The following RGS6 variants were observed in gnomAD, a reference collection of about 807,000 sequenced individuals.
RGS6 encodes the protein regulator of G protein signaling 6.
In RGS6, 30 loss-of-function variants were observed where a neutral mutation model predicts 78.5. The observed-to-expected ratio is 0.38, with a 90% CI of 0.29 to 0.52. The LOEUF (loss-of-function observed/expected upper bound fraction) is 0.52, where lower values mean the gene tolerates loss of function less well. RGS6 is among the 20% of genes least tolerant of loss of function. RGS6 has a pLI of 0.85. For synonymous variants in RGS6, 206 were observed against 206.0 expected (o/e 1.00, Z 0.00); for missense variants, 495 against 609.7 (o/e 0.81, Z 1.98).
At chr14:72,338,532 T>TG (rs1487886048) in intron 2 of RGS6, among the ~76,000 whole-genome samples, 6 of 152,180 alleles carry the variant, frequency 3.9e-5, no homozygotes, top group African/African-American at 7.2e-5. Flanking sequence ...AAGATTTGGG[T>TG]GGGGACACAG....
chr14:71,895,148 GA>G, the RGS6 span, among the ~76,000 whole-genome samples: 2 of 151,634 alleles, frequency 1.3e-5, no homozygotes, highest in African/African-American at 2.4e-5. Context: ...TTTTTTAGGG[GA>G]AAAAAAGGTA....
chr14:72,516,159 C>T (rs956485002), intron 14 of RGS6, among the ~76,000 whole-genome samples: 11 of 152,256 alleles, frequency 7.2e-5, no homozygotes, highest in Non-Finnish European at 1.6e-4. Context: ...GAGCCAGGTT[C>T]CCCGCATCTT....
chr14:71,946,162 G>T lies in RGS6; in HGVS notation c.-21+13221G>T, dbSNP rs186279249. Among the ~76,000 whole-genome samples, 3 of 152,240 alleles carry T rather than the reference G, an allele frequency of 2.0e-5. No homozygotes were observed. The East Asian group carries it at 5.8e-4, about 29-fold the overall frequency. On this transcript the variant is annotated intron_variant, in intron 1 of 17. Transcript: ENST00000553525. ...TGAAGGGACTTTCATTTTCAGGATA[G>T]CAGGTAGTTTAGGGCTTGGCTGTTG...
At chr14:72,146,775 T>C (rs910281683) in intron 2 of RGS6, among the ~76,000 whole-genome samples, 1 of 152,216 alleles carries the variant, frequency 6.6e-6, no homozygotes, top group Non-Finnish European at 1.5e-5. Flanking sequence ...TCAAAACTTT[T>C]ACTTTCTTCT....
At chr14:72,242,496 T>G (rs192151159) in intron 2 of RGS6, among the ~76,000 whole-genome samples, 1 of 152,342 alleles carries the variant, frequency 6.6e-6, no homozygotes, top group East Asian at 1.9e-4. Flanking sequence ...CCATACTTTC[T>G]ATTTATTTTA....
At chr14:72,303,062 C>T (rs1344070724) in intron 2 of RGS6, among the ~76,000 whole-genome samples, 1 of 152,226 alleles carries the variant, frequency 6.6e-6, no homozygotes, top group Non-Finnish European at 1.5e-5. Context: ...GTCCATTAAA[C>T]CTCTTTTTAT....
chr14:72,450,941 C>G (rs959319596), intron 3 of RGS6, among the ~76,000 whole-genome samples: 2 of 152,212 alleles, frequency 1.3e-5, no homozygotes, highest in African/African-American at 2.4e-5. Flanking sequence ...CCCTTTCTGA[C>G]TTGTTCCTGG....
At chr14:72,581,587 A>G in the RGS6 span, among the ~76,000 whole-genome samples, 1 of 152,130 alleles carries the variant, frequency 6.6e-6, no homozygotes, top group East Asian at 1.9e-4. Flanking sequence ...TGCCTCTCTG[A>G]TCCCTTGCAC....
chr14:72,257,164 G>A (rs1360774350), intron 2 of RGS6, among the ~76,000 whole-genome samples: 1 of 152,154 alleles, frequency 6.6e-6, no homozygotes, highest in Non-Finnish European at 1.5e-5. Context: ...GCAATTACTG[G>A]GTTAACAATA....
intron 1 of RGS6, among the ~76,000 whole-genome samples, chr14:71,943,684 G>C (rs1392284948): frequency 1.3e-5 from 2 of 152,232 alleles, no homozygotes; most frequent in African/African-American, 4.8e-5. Flanking sequence ...AGGAAGAGAA[G>C]TGAAAAAGGA....
chr14:71,990,819 C>G (rs781261827), intron 2 of RGS6: 8 of 456,088 alleles, frequency 1.8e-5, no homozygotes, highest in Admixed American at 1.2e-4. Flanking sequence ...ATCTTCCTCA[C>G]TTACCACAAA....
chr14:72,206,810 C>G (rs2042828015), intron 2 of RGS6, among the ~76,000 whole-genome samples: 1 of 151,826 alleles, frequency 6.6e-6, no homozygotes, highest in African/African-American at 2.4e-5. Flanking sequence ...AGTTACAATT[C>G]AAGATGAGAT....
intron 2 of RGS6, among the ~76,000 whole-genome samples, chr14:72,168,655 T>C (rs1363043233): frequency 6.6e-6 from 1 of 152,246 alleles, no homozygotes; most frequent in Non-Finnish European, 1.5e-5. Context: ...TTTTCTAATA[T>C]AGCTACTAAC....
At chr14:71,984,330 G>T (rs1474906370) in intron 2 of RGS6, among the ~76,000 whole-genome samples, 43 of 109,646 alleles carry the variant, frequency 3.9e-4, no homozygotes, top group African/African-American at 1.3e-3. Flanking sequence ...AAACAAAGCT[G>T]TTAGAAATTA....
At chr14:72,145,109 A>G (rs113974856) in intron 2 of RGS6, among the ~76,000 whole-genome samples, 16 of 152,240 alleles carry the variant, frequency 1.1e-4, no homozygotes, top group African/African-American at 3.9e-4. Flanking sequence ...CAGCTGATCC[A>G]TGGAGTGCAG....
In RGS6 at chr14:72,444,931, G is replaced by A. The variant is rs139493334; in HGVS notation, c.185-9597G>A. Among the ~76,000 whole-genome samples the A allele has an allele frequency of 6.9e-3, 169 of 24,470 alleles. 1 individual carries two copies. The highest frequency in any genetic ancestry group is 0.02 in the African/African-American group (158 of 7,712). 16.1% of individuals were successfully genotyped at this position (24,470 alleles called of 152,430 possible). ...GCCTGTTAAGAAGGGAAAATTATCC[G>A]CTGGACAAAAGCCAGTCAAAAAGCA... On this transcript the variant is annotated intron_variant, in intron 3 of 17. Coordinates refer to ENST00000553525, the MANE Select transcript of RGS6 (RefSeq NM_001204424.2).
intron 2 of RGS6, among the ~76,000 whole-genome samples, chr14:72,012,943 G>A (rs575963936): frequency 2.9e-4 from 44 of 152,236 alleles, no homozygotes; most frequent in Non-Finnish European, 1.3e-4. Flanking sequence ...CTCTTGTCAA[G>A]TAAGCCAAGT....
chr14:71,988,572 G>A (rs577671123), intron 2 of RGS6, among the ~76,000 whole-genome samples: 262 of 151,320 alleles, frequency 1.7e-3, no homozygotes, highest in Non-Finnish European at 3.0e-3. Context: ...TTTTTTTTGA[G>A]CTACCACGGA....
the RGS6 span, among the ~76,000 whole-genome samples, chr14:72,614,190 G>A: frequency 2.0e-5 from 3 of 152,222 alleles, no homozygotes; most frequent in East Asian, 5.8e-4. Flanking sequence ...AGAAATGGGG[G>A]AGGGAGCCCC....
Sources: gnomAD v4.1 joint callset for allele counts (sites outside exome capture counted in the v4.1 genomes callset) on GRCh38, gnomAD v4.1.1 for gene constraint, MANE v1.5 for transcripts, NCBI Gene and HGNC (gene_info 2026-07-23, HGNC 2026-07-21) for gene names.